The following GRIP1 variants were observed in gnomAD, a reference collection of about 807,000 sequenced individuals.
GRIP1 encodes glutamate receptor interacting protein 1.
A neutral mutation model predicts 129.9 loss-of-function variants in GRIP1; 45 were observed. The observed-to-expected ratio is 0.35, with a 90% confidence interval of 0.27 to 0.44. The LOEUF is 0.44. Among genes scored for constraint, GRIP1 ranks in the 20% least tolerant of loss-of-function variants. GRIP1 has a pLI of 1.00. For synonymous variants in GRIP1, 530 were observed against 520.8 expected (o/e 1.02, Z -0.24); for missense variants, 1,196 against 1,396.8 (o/e 0.86, Z 2.29).
At chr12:66,605,152 A>C (rs1387840518) in intron 1 of GRIP1, among the ~76,000 whole-genome samples, 1 of 151,992 alleles carries the variant, frequency 6.6e-6, no homozygotes, top group Non-Finnish European at 1.5e-5. Context: ...TAATTCAAGA[A>C]AGAATGTTTA....
intron 1 of GRIP1, among the ~76,000 whole-genome samples, chr12:66,652,333 C>G (rs1382945391): frequency 6.6e-6 from 1 of 152,098 alleles, no homozygotes; most frequent in Non-Finnish European, 1.5e-5. Context: ...GGCAGTTTCC[C>G]CTGGGCTTTT....
Position 66,728,608 on chromosome 12 carries a change from T to C in GRIP1, c.-420+75445A>G, listed in dbSNP as rs143338648. Among the ~76,000 whole-genome samples the C allele has an allele frequency of 4.7e-3, 717 of 152,280 alleles. 2 individuals are homozygous for C. Among genetic ancestry groups the C allele is most frequent in the African/African-American group, 0.016 (647 of 41,550 alleles). On this transcript the variant is annotated intron_variant, in intron 1 of 4. Transcript: ENST00000538373. ...GTTCACAGGTACTTTTAAACCATTA[T>C]ACTCAGAAAAGAAACTGAGAATTAT...
At chr12:66,671,636 T>C (rs2034087033) in intron 1 of GRIP1, among the ~76,000 whole-genome samples, 1 of 152,166 alleles carries the variant, frequency 6.6e-6, no homozygotes, top group Non-Finnish European at 1.5e-5. Context: ...TGAAAACTGT[T>C]CTCTCAAAGG....
chr12:66,356,936 C>T (rs750641251), intron 23 of GRIP1, among the ~76,000 whole-genome samples: 1 of 152,062 alleles, frequency 6.6e-6, no homozygotes, highest in African/African-American at 2.4e-5. Flanking sequence ...AGTGGCATGA[C>T]CTCGGCTCAC....
intron 7 of GRIP1, among the ~76,000 whole-genome samples, chr12:66,510,072 G>A (rs1344687144): frequency 6.6e-6 from 1 of 152,176 alleles, no homozygotes; most frequent in Non-Finnish European, 1.5e-5. Flanking sequence ...TGAAGTGGAA[G>A]TTTTTCCCAT....
At chr12:67,068,760 G>T (rs995080484) in intron 1 of GRIP1, among the ~76,000 whole-genome samples, 1 of 148,296 alleles carries the variant, frequency 6.7e-6, no homozygotes, top group Admixed American at 6.7e-5. Flanking sequence ...GCAGAAGCTG[G>T]AGTTTCCCCT....
intron 1 of GRIP1, among the ~76,000 whole-genome samples, chr12:67,041,179 A>C (rs1433768801): frequency 6.6e-6 from 1 of 152,100 alleles, no homozygotes; most frequent in Non-Finnish European, 1.5e-5. Context: ...CTATATGTAC[A>C]CATATACAAA....
intron 1 of GRIP1, among the ~76,000 whole-genome samples, chr12:66,962,815 C>T (rs996720718): frequency 2.0e-5 from 3 of 152,088 alleles, no homozygotes; most frequent in Non-Finnish European, 2.9e-5. Context: ...ATCAGCAATA[C>T]ATAGGTATAT....
At chr12:66,901,713 C>T (rs1292119525) in intron 1 of GRIP1, among the ~76,000 whole-genome samples, 1 of 152,158 alleles carries the variant, frequency 6.6e-6, no homozygotes, top group Non-Finnish European at 1.5e-5. Flanking sequence ...GCAAATGACA[C>T]CTAAACCACA....
chr12:66,456,149 G>A, intron 10 of GRIP1, 38 bp downstream of exon 10: 1 of 1,232,240 alleles, frequency 8.1e-7, no homozygotes. Flanking sequence ...AAATATAATT[G>A]AAATAAAAGA....
At chr12:66,965,882 C>T (rs2041991816) in intron 1 of GRIP1, among the ~76,000 whole-genome samples, 2 of 152,122 alleles carry the variant, frequency 1.3e-5, no homozygotes, top group South Asian at 4.1e-4. Flanking sequence ...TTGCAAAATG[C>T]AGTTTTGCAG....
chr12:66,583,305 T>C (rs1359039362), intron 2 of GRIP1, among the ~76,000 whole-genome samples: 8 of 150,072 alleles, frequency 5.3e-5, no homozygotes, highest in African/African-American at 7.4e-5. Context: ...ATAAAAACCC[T>C]AGAAGAAAAC....
chr12:66,447,856 T>C (rs1466698536), intron 11 of GRIP1, among the ~76,000 whole-genome samples: 2 of 152,248 alleles, frequency 1.3e-5, no homozygotes, highest in Non-Finnish European at 2.9e-5. Flanking sequence ...TCCTGACTTC[T>C]AAAATCAGTG....
At chr12:66,639,565 T>C (rs2031736939) in intron 1 of GRIP1, among the ~76,000 whole-genome samples, 1 of 152,106 alleles carries the variant, frequency 6.6e-6, no homozygotes, top group Non-Finnish European at 1.5e-5. Flanking sequence ...CTCTTTCAGG[T>C]AGGTGGGTTG....
chr12:66,619,597 T>A (rs1176505826), intron 1 of GRIP1, among the ~76,000 whole-genome samples: 1 of 152,100 alleles, frequency 6.6e-6, no homozygotes, highest in Non-Finnish European at 1.5e-5. Context: ...GGGCCATACA[T>A]GAACATGGAA....
chr12:66,996,491 T>A (rs1032473590), intron 1 of GRIP1, among the ~76,000 whole-genome samples: 11 of 152,102 alleles, frequency 7.2e-5, no homozygotes, highest in Non-Finnish European at 1.5e-5. Context: ...CCTTGGAGTC[T>A]AAAGAGCAGT....
intron 1 of GRIP1, among the ~76,000 whole-genome samples, chr12:67,060,900 C>T (rs2043522658): frequency 6.7e-6 from 1 of 149,898 alleles, no homozygotes; most frequent in Non-Finnish European, 1.5e-5. Context: ...AGGTTCCAAA[C>T]ATCATTTTAA....
Position 66,743,933 on chromosome 12 carries a change from AC to A in GRIP1, c.-420+60119del, listed in dbSNP as rs1254858337. Among the ~76,000 whole-genome samples the A allele has an allele frequency of 7.2e-5, 11 of 152,204 alleles. No homozygotes were observed. The East Asian group carries it at 1.9e-3, about 27-fold the overall frequency. The stretch of plus-strand genomic sequence containing the variant: ...GCTTCTCTACCTTCCACTCAAAAAT[AC>A]AGATCCTATAGCTGTACAGAATTCC... On this transcript the variant is annotated intron_variant, in intron 1 of 4. Coordinates refer to the GRIP1 transcript ENST00000538373.
intron 1 of GRIP1, among the ~76,000 whole-genome samples, chr12:66,996,439 C>T (rs1017724188): frequency 6.6e-6 from 1 of 151,962 alleles, no homozygotes; most frequent in Non-Finnish European, 1.5e-5. Context: ...TGAGCCAACA[C>T]AGCAGAACTG....
Sources: gnomAD v4.1 joint callset for allele counts (sites outside exome capture counted in the v4.1 genomes callset) on GRCh38, gnomAD v4.1.1 for gene constraint, MANE v1.5 for transcripts, NCBI Gene and HGNC (gene_info 2026-07-23, HGNC 2026-07-21) for gene names.